CNOT6: variants seen among roughly 807,000 people sequenced by gnomAD.
CNOT6 encodes CCR4-NOT transcription complex subunit 6.
Under a neutral mutation model 61.2 loss-of-function variants are expected in CNOT6, and 12 were observed. That is an observed-to-expected ratio of 0.20 (90% CI 0.13 to 0.32). The LOEUF is 0.32. Ranked by LOEUF, CNOT6 falls within the 10% of genes least tolerant of loss-of-function variation. The probability of loss-of-function intolerance (pLI) is 1.00; values close to 1 mark genes in which losing one functional copy is unlikely to be tolerated. For synonymous variants in CNOT6, 225 were observed against 240.6 expected (o/e 0.94, Z 0.60); for missense variants, 405 against 663.9 (o/e 0.61, Z 4.28).
At chr5:180,515,498 T>C (rs920404192) in intron 1 of CNOT6, among the ~76,000 whole-genome samples, 9 of 152,134 alleles carry the variant, frequency 5.9e-5, no homozygotes, top group African/African-American at 1.7e-4. Flanking sequence ...GTTTGGACTT[T>C]AGGCAGGCAG....
chr5:180,525,938 C>A (rs1051005564), intron 1 of CNOT6, among the ~76,000 whole-genome samples: 36 of 151,860 alleles, frequency 2.4e-4, no homozygotes, highest in African/African-American at 7.5e-4. Flanking sequence ...AAATTAAAAA[C>A]AAAATATTTT....
chr5:180,550,460 AAAAC>A (rs1275069937), intron 3 of CNOT6, among the ~76,000 whole-genome samples: 5 of 152,182 alleles, frequency 3.3e-5, no homozygotes, highest in African/African-American at 1.2e-4. Flanking sequence ...AAAAAAAACA[AAAAC>A]AAAAAAACAT....
chr5:180,569,960 T>G (rs1403976258), intron 10 of CNOT6, among the ~76,000 whole-genome samples: 1 of 152,218 alleles, frequency 6.6e-6, no homozygotes, highest in Non-Finnish European at 1.5e-5. Context: ...AACTCATTTA[T>G]ACACACAGGA....
chr5:180,503,926 C>G (rs977762849), intron 1 of CNOT6, among the ~76,000 whole-genome samples: 1 of 152,110 alleles, frequency 6.6e-6, no homozygotes, highest in African/African-American at 2.4e-5. Context: ...TTAACACACT[C>G]TCATGGTATT....
chr5:180,557,941 C>T (rs1275856369), intron 4 of CNOT6, among the ~76,000 whole-genome samples: 1 of 152,204 alleles, frequency 6.6e-6, no homozygotes, highest in Non-Finnish European at 1.5e-5. Context: ...TCCAGTTGCT[C>T]CAGCAGCATT....
chr5:180,504,045 T>C (rs1757017458), intron 1 of CNOT6, among the ~76,000 whole-genome samples: 1 of 152,222 alleles, frequency 6.6e-6, no homozygotes, highest in Non-Finnish European at 1.5e-5. Flanking sequence ...GACATAATAG[T>C]ACTAAGTGGC....
At chr5:180,549,088 T>C (rs1253911343) in intron 2 of CNOT6, among the ~76,000 whole-genome samples, 1 of 152,218 alleles carries the variant, frequency 6.6e-6, no homozygotes, top group African/African-American at 2.4e-5. Context: ...TTTTTACTTG[T>C]TACCATATAA....
chr5:180,505,151 G>A (rs1340938524), intron 1 of CNOT6, among the ~76,000 whole-genome samples: 2 of 148,368 alleles, frequency 1.3e-5, no homozygotes, highest in Admixed American at 6.8e-5. Context: ...TAGTAGAGAC[G>A]GGGTTTCACC....
chr5:180,518,637 G>A (rs922818168), intron 1 of CNOT6, among the ~76,000 whole-genome samples: 2 of 152,016 alleles, frequency 1.3e-5, no homozygotes, highest in African/African-American at 4.8e-5. Context: ...TGAGCCTCAG[G>A]TGGCATGTGC....
At chr5:180,513,998 A>G (rs1344951632) in intron 1 of CNOT6, among the ~76,000 whole-genome samples, 2 of 151,366 alleles carry the variant, frequency 1.3e-5, no homozygotes, top group Non-Finnish European at 2.9e-5. Context: ...CACCGGGCCC[A>G]GCCCATTTTT....
rs1761090430 is a variant in CNOT6, at chr5:180,578,159, A to T, written c.*3959A>T. The T allele has an allele frequency of 6.6e-6, 1 of 152,568 alleles. No homozygotes were observed. Among genetic ancestry groups the T allele is most frequent in the African/African-American group, 2.4e-5 (1 of 41,432 alleles). The allele number at this position is 152,568 out of a possible 1,614,324, so 9.5% of individuals were successfully genotyped here. On this transcript the variant is annotated 3_prime_UTR_variant, in exon 12 of 12. Coordinates refer to ENST00000261951, the MANE Select transcript of CNOT6 (RefSeq NM_001370472.1). Reference sequence around the variant, plus strand: ...ATGGTGTAAACTAATGTATTTCTTTATTGGCTGTTATTCTGTATAACACTC... The same window carrying T: ...ATGGTGTAAACTAATGTATTTCTTTTTTGGCTGTTATTCTGTATAACACTC...
In CNOT6 at chr5:180,529,298, C is replaced by G; in HGVS notation, c.22C>G (p.Pro8Ala). The change falls in exon 2 of 12, where the codon CCC becomes GCC. Residue 8 changes from proline to alanine, a missense_variant. Physicochemically the swap from Pro to Ala is conservative, Grantham distance 27. Around this residue, in one of 5 missense-constraint regions of CNOT6, gnomAD observed 212 missense variants for 307.1 expected, o/e 0.69. Transcript: ENST00000261951. Reference protein sequence around the residue: MPKEKYEPPDPRRMYTIM... With the variant: MPKEKYEAPDPRRMYTIM... Reference sequence around the variant, plus strand: ...AGGCATGCCCAAAGAAAAATACGAGCCCCCTGACCCTCGGAGGATGTATAC... The same window carrying G: ...AGGCATGCCCAAAGAAAAATACGAGGCCCCTGACCCTCGGAGGATGTATAC... The G allele has an allele frequency of 1.2e-6, 2 of 1,609,824 alleles. No individual in the cohort carries two copies. Among genetic ancestry groups the G allele is most frequent in the Non-Finnish European group, 1.7e-6 (2 of 1,176,744 alleles).
chr5:180,521,157 TGTG>T (rs1246447027), intron 1 of CNOT6, among the ~76,000 whole-genome samples: 1 of 152,068 alleles, frequency 6.6e-6, no homozygotes, highest in Non-Finnish European at 1.5e-5. Flanking sequence ...CTTCCAAAAA[TGTG>T]GTAGTCATGA....
chr5:180,514,932 T>C (rs1424472533), intron 1 of CNOT6, among the ~76,000 whole-genome samples: 1 of 152,200 alleles, frequency 6.6e-6, no homozygotes, highest in Non-Finnish European at 1.5e-5. Context: ...CATTGGGAGA[T>C]ACAAACTGTT....
At chr5:180,504,019 A>T (rs1164120211) in intron 1 of CNOT6, among the ~76,000 whole-genome samples, 1 of 152,172 alleles carries the variant, frequency 6.6e-6, no homozygotes, top group African/African-American at 2.4e-5. Context: ...CGTTTACACT[A>T]GTAGTTGATC....
At chr5:180,561,881 C>T (rs562322856) in intron 4 of CNOT6, among the ~76,000 whole-genome samples, 2 of 152,164 alleles carry the variant, frequency 1.3e-5, no homozygotes, top group African/African-American at 4.8e-5. Context: ...AGCTCCATAT[C>T]GCCTCCTTTC....
At chr5:180,571,523 G>A in intron 11 of CNOT6, 91 bp downstream of exon 11, 1 of 920,986 alleles carries the variant, frequency 1.1e-6, no homozygotes, top group Non-Finnish European at 1.7e-6. Context: ...GTGGCTGTGT[G>A]TTCAGGCTGG....
At chr5:180,541,899 C>A (rs11742350) in intron 2 of CNOT6, among the ~76,000 whole-genome samples, 41,257 of 150,920 alleles carry the variant, frequency 0.27, 6,190 homozygotes, top group Middle Eastern at 0.41. Flanking sequence ...TACAGTGCCC[C>A]CTGGCTGTTT....
At chr5:180,511,097 G>T (rs1301115362) in intron 1 of CNOT6, among the ~76,000 whole-genome samples, 1 of 152,116 alleles carries the variant, frequency 6.6e-6, no homozygotes, top group Non-Finnish European at 1.5e-5. Flanking sequence ...GAGCCACCGT[G>T]TCCAGACAGG....
Sources: allele counts gnomAD v4.1 joint callset (sites outside exome capture counted in the v4.1 genomes callset), GRCh38; gene constraint gnomAD v4.1.1; regional missense constraint gnomAD v4.1.1; transcripts MANE v1.5; gene names NCBI Gene and HGNC (gene_info 2026-07-23, HGNC 2026-07-21).